SLC4A10: variants seen among roughly 807,000 people sequenced by gnomAD.
The protein encoded by SLC4A10 is solute carrier family 4 member 10.
SLC4A10 carries 42 observed loss-of-function variants against 137.7 expected under a neutral mutation model. The ratio of observed to expected loss-of-function variants is 0.30; its 90% CI spans 0.24 to 0.39. The LOEUF (loss-of-function observed/expected upper bound fraction) is 0.39, where lower values mean the gene tolerates loss of function less well. Among genes scored for constraint, SLC4A10 ranks in the 10% least tolerant of loss-of-function variants. The pLI is 1.00. For missense variants in SLC4A10, 925 were observed against 1,355.0 expected, an observed-to-expected ratio of 0.68 and a Z score of 4.98; for synonymous variants, 474 against 464.1, an observed-to-expected ratio of 1.02 and a Z score of -0.27.
intron 1 of SLC4A10, among the ~76,000 whole-genome samples, chr2:161,754,497 A>C (rs16846084): frequency 0.019 from 2,834 of 152,270 alleles, 58 homozygotes; most frequent in African/African-American, 0.054. Flanking sequence ...CTTTTTGCCC[A>C]AAATGTGTCT....
At chr2:161,908,317 T>G (rs902946838) in intron 15 of SLC4A10, among the ~76,000 whole-genome samples, 1 of 151,500 alleles carries the variant, frequency 6.6e-6, no homozygotes, top group African/African-American at 2.4e-5. Context: ...TAAAAAATTC[T>G]CAGCAAACTA....
Position 161,949,075 on chromosome 2 carries a change from T to A in SLC4A10, c.2266-73T>A, listed in dbSNP as rs929892338. The A allele has an allele frequency of 3.2e-5, 30 of 932,552 alleles. No homozygotes were observed. In the South Asian group the frequency reaches 4.3e-4, roughly 13 times the overall value. The allele number at this position is 932,552 out of a possible 1,614,324, so 57.8% of individuals were successfully genotyped here. On this transcript the variant is annotated intron_variant, in intron 17 of 26. Transcript: ENST00000446997. ...TCATAAAGTGTTTATAAAGTGTGAC[T>A]CTAGATTATGTTCCTGAGTATTCCT...
intron 1 of SLC4A10, among the ~76,000 whole-genome samples, chr2:161,718,556 A>G (rs1459408458): frequency 1.3e-5 from 2 of 152,076 alleles, no homozygotes. Flanking sequence ...TATTTTATTC[A>G]CCCAGAAGTC....
intron 4 of SLC4A10, among the ~76,000 whole-genome samples, chr2:161,852,417 A>G: frequency 6.6e-6 from 1 of 152,140 alleles, no homozygotes. Context: ...AAGATTTAAT[A>G]AAAGTTGTAT....
intron 1 of SLC4A10, among the ~76,000 whole-genome samples, chr2:161,658,289 A>C (rs1049063503): frequency 6.6e-6 from 1 of 152,214 alleles, no homozygotes; most frequent in Non-Finnish European, 1.5e-5. Context: ...TTTAAAGAAA[A>C]ACCCAGATGA....
At chr2:161,632,161 G>T (rs1168979099) in intron 1 of SLC4A10, among the ~76,000 whole-genome samples, 2 of 151,526 alleles carry the variant, frequency 1.3e-5, no homozygotes, top group African/African-American at 4.8e-5. Context: ...TTTGACTAAT[G>T]AGGCTTTGAT....
chr2:161,786,536 G>A (rs2053643490), intron 2 of SLC4A10, among the ~76,000 whole-genome samples: 1 of 151,730 alleles, frequency 6.6e-6, no homozygotes, highest in Non-Finnish European at 1.5e-5. Flanking sequence ...GAGCTTTTAT[G>A]ACAGGAGAGT....
chr2:161,711,490 T>C (rs1273245645), intron 1 of SLC4A10, among the ~76,000 whole-genome samples: 1 of 151,834 alleles, frequency 6.6e-6, no homozygotes, highest in Non-Finnish European at 1.5e-5. Flanking sequence ...ATTATGGAAG[T>C]GGACCTTAGC....
intron 15 of SLC4A10, among the ~76,000 whole-genome samples, chr2:161,939,000 A>AT (rs1402971201): frequency 6.6e-6 from 1 of 151,958 alleles, no homozygotes; most frequent in Non-Finnish European, 1.5e-5. Flanking sequence ...ATATGCTTAT[A>AT]TTTTTTTCTT....
chr2:161,850,243 T>A (rs1348352893), intron 4 of SLC4A10, among the ~76,000 whole-genome samples: 2 of 151,942 alleles, frequency 1.3e-5, no homozygotes, highest in South Asian at 2.1e-4. Context: ...TACAAAAAAA[T>A]TAGCTAGACA....
At chr2:161,732,526 T>G (rs559784043) in intron 1 of SLC4A10, among the ~76,000 whole-genome samples, 2 of 152,352 alleles carry the variant, frequency 1.3e-5, no homozygotes, top group African/African-American at 4.8e-5. Flanking sequence ...AGATTTCCAT[T>G]CAGTCACTAA....
intron 1 of SLC4A10, among the ~76,000 whole-genome samples, chr2:161,738,559 A>G (rs930880581): frequency 3.9e-5 from 6 of 152,224 alleles, no homozygotes; most frequent in African/African-American, 7.2e-5. Context: ...AACAGATTAT[A>G]TAGTTTGTTT....
chr2:161,726,978 A>C (rs1293989758), intron 1 of SLC4A10, among the ~76,000 whole-genome samples: 1 of 152,230 alleles, frequency 6.6e-6, no homozygotes, highest in African/African-American at 2.4e-5. Flanking sequence ...AGTTAATCAC[A>C]CTTCCAAATA....
intron 5 of SLC4A10, among the ~76,000 whole-genome samples, chr2:161,856,086 A>G (rs2060082976): frequency 6.6e-6 from 1 of 152,072 alleles, no homozygotes; most frequent in Non-Finnish European, 1.5e-5. Context: ...CAATCACAAA[A>G]TAGAAACTCT....
chr2:161,838,317 A>G (rs1463399717), intron 3 of SLC4A10, among the ~76,000 whole-genome samples: 1 of 152,100 alleles, frequency 6.6e-6, no homozygotes, highest in African/African-American at 2.4e-5. Flanking sequence ...CTCATATCTT[A>G]TACCAAAATT....
chr2:161,955,417 T>C (rs1382623700), intron 19 of SLC4A10, among the ~76,000 whole-genome samples: 1 of 152,186 alleles, frequency 6.6e-6, no homozygotes, highest in Non-Finnish European at 1.5e-5. Context: ...TTGAGTTACT[T>C]GCAAAGAAAA....
chr2:161,699,699 A>G (rs2042936294), intron 1 of SLC4A10, among the ~76,000 whole-genome samples: 1 of 152,148 alleles, frequency 6.6e-6, no homozygotes, highest in African/African-American at 2.4e-5. Context: ...AAGGGCTTTG[A>G]GAAAGGGAGG....
At chr2:161,742,730 G>A (rs537849909) in intron 1 of SLC4A10, among the ~76,000 whole-genome samples, 5 of 152,080 alleles carry the variant, frequency 3.3e-5, no homozygotes, top group South Asian at 4.2e-4. Context: ...ATGAACCATG[G>A]TGCCCAGCTG....
intron 23 of SLC4A10, among the ~76,000 whole-genome samples, chr2:161,971,786 C>A (rs181334373): frequency 6.6e-6 from 1 of 152,198 alleles, no homozygotes; most frequent in South Asian, 2.1e-4. Context: ...TGCTCTGCCA[C>A]CCTTCTCTTC....
Sources: gnomAD v4.1 joint callset for allele counts (sites outside exome capture counted in the v4.1 genomes callset) on GRCh38, gnomAD v4.1.1 for gene constraint, MANE v1.5 for transcripts, NCBI Gene and HGNC (gene_info 2026-07-23, HGNC 2026-07-21) for gene names.